CNTN6: variants seen among roughly 807,000 people sequenced by gnomAD.
CNTN6 encodes contactin-6.
Under a neutral mutation model 122.8 loss-of-function variants are expected in CNTN6, and 137 were observed. The ratio of observed to expected loss-of-function variants is 1.12; its 90% CI spans 0.97 to 1.29. The LOEUF (loss-of-function observed/expected upper bound fraction) is 1.29. Among genes scored for constraint, CNTN6 ranks in the 50% most tolerant of loss-of-function variants. CNTN6 has a pLI of 0.00. For missense variants in CNTN6, 1,634 were observed against 1,223.4 expected (o/e 1.34, Z -5.01); for synonymous variants, 570 against 426.0 (o/e 1.34, Z -4.16).
intron 20 of CNTN6, among the ~76,000 whole-genome samples, chr3:1,388,046 G>C (rs983528004): frequency 6.6e-6 from 1 of 152,142 alleles, no homozygotes; most frequent in Admixed American, 6.5e-5. Flanking sequence ...AGCTCCAACT[G>C]GGTGGAGCCC....
chr3:1,239,926 G>A (rs1480342565), intron 4 of CNTN6, among the ~76,000 whole-genome samples: 2 of 152,078 alleles, frequency 1.3e-5, no homozygotes, highest in Non-Finnish European at 2.9e-5. Flanking sequence ...AGTGTGGAAA[G>A]GACATCCTAT....
At chr3:1,223,505 G>C (rs1390475134) in intron 3 of CNTN6, among the ~76,000 whole-genome samples, 1 of 152,148 alleles carries the variant, frequency 6.6e-6, no homozygotes, top group South Asian at 2.1e-4. Flanking sequence ...AGAATATGAA[G>C]TCCAGCCCTG....
intron 1 of CNTN6, 104 bp from the exon 2 acceptor site, chr3:1,147,823 T>A: frequency 2.2e-6 from 1 of 457,340 alleles, no homozygotes. Context: ...TTATTTTGGA[T>A]AATAATATTA....
intron 4 of CNTN6, among the ~76,000 whole-genome samples, chr3:1,241,314 G>GA (rs398051483): frequency 1.3e-5 from 2 of 151,758 alleles, no homozygotes; most frequent in African/African-American, 4.9e-5. Flanking sequence ...ATTTTTGGGG[G>GA]TGGTATGGAG....
chr3:1,370,989 CGT>C (rs1428615930), intron 12 of CNTN6, among the ~76,000 whole-genome samples: 3 of 151,984 alleles, frequency 2.0e-5, no homozygotes, highest in African/African-American at 2.4e-5. Context: ...AGAACTATAG[CGT>C]GTGTTTTTAT....
chr3:1,395,234 T>C (rs1694839915), intron 20 of CNTN6, among the ~76,000 whole-genome samples: 1 of 151,978 alleles, frequency 6.6e-6, no homozygotes, highest in African/African-American at 2.4e-5. Flanking sequence ...AGCAGAAGAG[T>C]AACTTTTCTA....
chr3:1,254,368 C>T (rs958184696), intron 4 of CNTN6, among the ~76,000 whole-genome samples: 2 of 152,146 alleles, frequency 1.3e-5, no homozygotes, highest in Non-Finnish European at 2.9e-5. Context: ...CATATTTCTA[C>T]GTGTTTACTT....
chr3:1,260,843 T>G (rs929407867), intron 4 of CNTN6, among the ~76,000 whole-genome samples: 19 of 152,114 alleles, frequency 1.2e-4, no homozygotes, highest in Non-Finnish European at 1.2e-4. Flanking sequence ...GACTGTAAGT[T>G]TCCTGAGGCC....
chr3:1,265,042 T>C (rs533311136), intron 4 of CNTN6, among the ~76,000 whole-genome samples: 1 of 134,778 alleles, frequency 7.4e-6, no homozygotes, highest in East Asian at 2.4e-4. Context: ...TGACCGAATT[T>C]CCTTTTTTTT....
At chr3:1,302,488 AAG>A (rs1000526962) in intron 7 of CNTN6, among the ~76,000 whole-genome samples, 4 of 152,094 alleles carry the variant, frequency 2.6e-5, no homozygotes, top group East Asian at 1.9e-4. Flanking sequence ...AGATGGGGGA[AAG>A]AGAGAGAGAA....
intron 11 of CNTN6, among the ~76,000 whole-genome samples, chr3:1,348,694 A>G (rs936473103): frequency 6.6e-6 from 1 of 152,046 alleles, no homozygotes; most frequent in African/African-American, 2.4e-5. Flanking sequence ...GGAACTTGCT[A>G]AAATAAGTGT....
intron 19 of CNTN6, among the ~76,000 whole-genome samples, chr3:1,384,180 C>G (rs1297934176): frequency 6.6e-6 from 1 of 152,102 alleles, no homozygotes. Context: ...ATGCATTGTA[C>G]CCTTAAAATT....
chr3:1,286,378 T>G (rs1694342360), intron 5 of CNTN6, among the ~76,000 whole-genome samples: 1 of 152,092 alleles, frequency 6.6e-6, no homozygotes, highest in South Asian at 2.1e-4. Context: ...CCCCAGTGTG[T>G]GATGGGCCCC....
chr3:1,223,930 T>C (rs1010193895), intron 3 of CNTN6, among the ~76,000 whole-genome samples: 5 of 152,194 alleles, frequency 3.3e-5, no homozygotes, highest in African/African-American at 9.6e-5. Context: ...ATATACATTA[T>C]TGCACACATC....
At chr3:1,144,648 T>A (rs1319905322) in intron 1 of CNTN6, among the ~76,000 whole-genome samples, 1 of 151,836 alleles carries the variant, frequency 6.6e-6, no homozygotes, top group East Asian at 1.9e-4. Flanking sequence ...TCGGATTACT[T>A]AGGTAGAAGG....
intron 1 of CNTN6, among the ~76,000 whole-genome samples, chr3:1,102,841 C>G (rs2091001102): frequency 1.3e-5 from 2 of 150,598 alleles, no homozygotes; most frequent in South Asian, 4.2e-4. Flanking sequence ...GGAGCTGTGG[C>G]TCACGCCTGT....
At chr3:1,392,105 C>G (rs1156882306) in intron 20 of CNTN6, among the ~76,000 whole-genome samples, 112 of 152,308 alleles carry the variant, frequency 7.4e-4, no homozygotes, top group African/African-American at 2.7e-3. Context: ...CAAGTCAATT[C>G]TAAGCCAAAA....
intron 12 of CNTN6, among the ~76,000 whole-genome samples, chr3:1,354,204 C>G (rs1364957684): frequency 6.6e-6 from 1 of 151,300 alleles, no homozygotes; most frequent in East Asian, 1.9e-4. Flanking sequence ...TTGCATATTT[C>G]AGATGTGTAA....
chr3:1,214,301 CTTTTTTTTTT>C (rs34799447), intron 2 of CNTN6, among the ~76,000 whole-genome samples: 3 of 44,028 alleles, frequency 6.8e-5, no homozygotes, highest in South Asian at 1.3e-3. Context: ...TGTTGGATGT[CTTTTTTTTTT>C]TTTTTTTTTT....
Sources: gnomAD v4.1 joint callset for allele counts (sites outside exome capture counted in the v4.1 genomes callset) on GRCh38, gnomAD v4.1.1 for gene constraint, MANE v1.5 for transcripts, NCBI Gene and HGNC (gene_info 2026-07-23, HGNC 2026-07-21) for gene names.